Variants in CRTAC1 observed in about 807,000 individuals in gnomAD.
The protein encoded by CRTAC1 is cartilage acidic protein 1.
A neutral mutation model predicts 67.8 loss-of-function variants in CRTAC1; 37 were observed. The ratio of observed to expected loss-of-function variants is 0.55; its 90% CI spans 0.42 to 0.72. CRTAC1 has a LOEUF of 0.72. CRTAC1 is among the 30% of genes least tolerant of loss of function. The pLI is 0.00. For synonymous variants in CRTAC1, 348 were observed against 371.0 expected, an observed-to-expected ratio of 0.94 and a Z score of 0.71; for missense variants, 780 against 931.6, an observed-to-expected ratio of 0.84 and a Z score of 2.12.
At chr10:97,920,041 AC>A (rs1389954711) in intron 4 of CRTAC1, among the ~76,000 whole-genome samples, 1 of 152,044 alleles carries the variant, frequency 6.6e-6, no homozygotes, top group Non-Finnish European at 1.5e-5. Flanking sequence ...GAGCCACCAC[AC>A]CTGGCCTAAC....
chr10:97,944,288 G>A lies in CRTAC1; in HGVS notation c.225-7922C>T, dbSNP rs191513410. On this transcript the variant is annotated intron_variant, in intron 2 of 14. Transcript: ENST00000370597. ...ACTAAAAAAAATACAAAAATTAGCT[G>A]AGCGTGGTGGTGCACACCCTGTAAT... Among the ~76,000 whole-genome samples the A allele has an allele frequency of 2.9e-4, 44 of 152,200 alleles. No individual in the cohort carries two copies. The East Asian group carries it at 7.7e-3, about 27-fold the overall frequency.
At chr10:97,935,150 T>C (rs1185463144) in intron 3 of CRTAC1, among the ~76,000 whole-genome samples, 2 of 152,170 alleles carry the variant, frequency 1.3e-5, no homozygotes, top group African/African-American at 4.8e-5. Flanking sequence ...GTCAGACACC[T>C]GGGTTTGAAT....
At chr10:97,988,825 A>G (rs189837496) in intron 2 of CRTAC1, among the ~76,000 whole-genome samples, 189 of 152,332 alleles carry the variant, frequency 1.2e-3, no homozygotes, top group Middle Eastern at 6.8e-3. Flanking sequence ...TATTTTAACT[A>G]TTGTGATGGT....
At position 97,895,480 on chromosome 10, in the gene CRTAC1, C is replaced by A. The variant is rs1590190029; in HGVS notation, c.1318-67G>T. On this transcript the variant is annotated intron_variant, in intron 10 of 14. Coordinates refer to ENST00000370597, the MANE Select transcript of CRTAC1 (RefSeq NM_018058.7). The surrounding 1 kb of genome is among the most constrained non-coding windows in gnomAD (Gnocchi z 4.2). ...ATGGTGGGTGGGAAGAGCAGGGAGC[C>A]AGGGAGGACGGGAGGGGGAGAGGGA... 3 of 1,430,678 alleles carry A rather than the reference C, an allele frequency of 2.1e-6. No homozygotes were observed. Among genetic ancestry groups the A allele is most frequent in the Non-Finnish European group, 2.8e-6 (3 of 1,061,188 alleles). 88.6% of individuals were successfully genotyped at this position (1,430,678 alleles called of 1,614,324 possible). A position where few individuals can be genotyped will look rare whatever the true frequency, so the allele number is the denominator to read the frequency against.
intron 6 of CRTAC1, among the ~76,000 whole-genome samples, chr10:97,907,217 C>T (rs999742102): frequency 1.3e-5 from 2 of 152,192 alleles, no homozygotes; most frequent in African/African-American, 2.4e-5. Context: ...AATGTGGAGC[C>T]TGAAGAAGAC....
chr10:97,975,070 CGGTGGAGGGCCG>C lies in CRTAC1; in HGVS notation c.224+36056_224+36067del, dbSNP rs1303315058. 6.6e-6 allele frequency among the ~76,000 whole-genome samples: 1 copy of C among 151,902 alleles called. No individual in the cohort carries two copies. The highest frequency in any genetic ancestry group is 2.4e-5 in the African/African-American group (1 of 41,338). ...TGGCGCGGGATCGATTCCCGGGTGG[CGGTGGAGGGCCG>C]GCCCGGGAGGAGCGGCGGAGGGGCC... On this transcript the variant is annotated intron_variant, in intron 2 of 14. Transcript: ENST00000370597. The surrounding 1 kb of genome is among the most constrained non-coding windows in gnomAD (Gnocchi z 4.8).
chr10:98,006,057 C>A (rs1842783296), intron 2 of CRTAC1, among the ~76,000 whole-genome samples: 1 of 152,196 alleles, frequency 6.6e-6, no homozygotes. Flanking sequence ...ACAACCACTA[C>A]AGTCTTTCCA....
rs1217591862 is a variant in CRTAC1, at chr10:97,895,461, G to T, written c.1318-48C>A. On this transcript the variant is annotated intron_variant, in intron 10 of 14. Transcript: ENST00000370597. This position sits in a 1 kb window ranked among gnomAD's most constrained non-coding sequence, Gnocchi z 4.2. ...ACACCCGGTGGGCATCAGCATGGTG[G>T]GTGGGAAGAGCAGGGAGCCAGGGAG... 15 of 1,529,610 alleles carry T rather than the reference G, an allele frequency of 9.8e-6. No homozygotes were observed. The highest frequency in any genetic ancestry group is 1.3e-5 in the Non-Finnish European group (15 of 1,137,498). 94.8% of individuals were successfully genotyped at this position (1,529,610 alleles called of 1,614,324 possible). A position where few individuals can be genotyped will look rare whatever the true frequency, so the allele number is the denominator to read the frequency against.
chr10:97,935,927 C>T (rs903226323), intron 3 of CRTAC1, among the ~76,000 whole-genome samples: 1 of 152,104 alleles, frequency 6.6e-6, no homozygotes, highest in East Asian at 1.9e-4. Flanking sequence ...GGGAGAGACT[C>T]GGTCTCTGCT....
intron 2 of CRTAC1, among the ~76,000 whole-genome samples, chr10:97,957,449 T>A (rs548224209): frequency 6.6e-6 from 1 of 152,286 alleles, no homozygotes; most frequent in Non-Finnish European, 1.5e-5. Flanking sequence ...TGTAGCTGAA[T>A]GGTCTCATTC....
At chr10:97,953,695 C>T (rs745722696) in intron 2 of CRTAC1, among the ~76,000 whole-genome samples, 1 of 152,202 alleles carries the variant, frequency 6.6e-6, no homozygotes, top group East Asian at 1.9e-4. Context: ...GAAACTAAAG[C>T]CCGAGGTCAG....
At chr10:98,001,977 G>A (rs189083152) in intron 2 of CRTAC1, among the ~76,000 whole-genome samples, 4 of 152,342 alleles carry the variant, frequency 2.6e-5, no homozygotes, top group Non-Finnish European at 4.4e-5. Flanking sequence ...TGGGAGTTGC[G>A]TATATTCCAA....
chr10:97,910,440 C>A (rs570126462), intron 5 of CRTAC1, among the ~76,000 whole-genome samples: 1 of 152,194 alleles, frequency 6.6e-6, no homozygotes, highest in Non-Finnish European at 1.5e-5. Flanking sequence ...TCAGAACCTG[C>A]ATTCTAACAA....
At chr10:97,961,166 C>A (rs1000855560) in intron 2 of CRTAC1, among the ~76,000 whole-genome samples, 7 of 152,092 alleles carry the variant, frequency 4.6e-5, no homozygotes, top group African/African-American at 1.7e-4. Flanking sequence ...CTGGAGTTTC[C>A]TTAACAGGTT....
intron 2 of CRTAC1, among the ~76,000 whole-genome samples, chr10:97,954,815 C>T (rs766765847): frequency 5.9e-5 from 9 of 152,204 alleles, no homozygotes; most frequent in South Asian, 2.1e-4. Flanking sequence ...AGAGAGAAGA[C>T]GTTCCCTGCC....
chr10:97,925,922 T>C (rs1275431995), intron 3 of CRTAC1, among the ~76,000 whole-genome samples: 1 of 152,096 alleles, frequency 6.6e-6, no homozygotes, highest in Non-Finnish European at 1.5e-5. Flanking sequence ...GGTTGGTCTC[T>C]GAGGGGGCCT....
intron 14 of CRTAC1, chr10:97,879,777 T>C: frequency 7.1e-7 from 1 of 1,416,860 alleles, no homozygotes; most frequent in Non-Finnish European, 9.3e-7. Flanking sequence ...GGCTGAAGAA[T>C]ACCCACCTAA....
intron 7 of CRTAC1, 54 bp from the exon 8 acceptor site, chr10:97,901,693 G>A (rs2050544533): frequency 6.2e-7 from 1 of 1,605,504 alleles, no homozygotes. Context: ...GGGGCGGGAG[G>A]CCAGCTCTCC....
chr10:97,936,440 G>A (rs937020643), intron 2 of CRTAC1, 74 bp from the exon 3 acceptor site: 17 of 1,263,922 alleles, frequency 1.3e-5, no homozygotes, highest in African/African-American at 3.0e-5. Context: ...CCAGAGCAAC[G>A]GGCTGGGAGT....
Sources: allele counts gnomAD v4.1 joint callset (sites outside exome capture counted in the v4.1 genomes callset), GRCh38; gene constraint gnomAD v4.1.1; non-coding constraint Gnocchi (gnomAD v3.1); transcripts MANE v1.5; gene names NCBI Gene and HGNC (gene_info 2026-07-23, HGNC 2026-07-21).